Variants in KCNN2 observed in about 807,000 individuals in gnomAD.
KCNN2 encodes small conductance calcium-activated potassium channel protein 2.
Under a neutral mutation model 55.5 loss-of-function variants are expected in KCNN2, and 24 were observed. The observed-to-expected ratio is 0.43, with a 90% CI of 0.31 to 0.61. The LOEUF (loss-of-function observed/expected upper bound fraction) is 0.61, where lower values mean the gene tolerates loss of function less well. KCNN2 is among the 20% of genes least tolerant of loss of function. The pLI is 0.08. For missense variants in KCNN2, 754 were observed against 853.6 expected (o/e 0.88, Z 1.45); for synonymous variants, 431 against 336.1 (o/e 1.28, Z -3.09).
chr5:114,418,824 G>A (rs1759383686), intron 3 of KCNN2, among the ~76,000 whole-genome samples: 1 of 152,128 alleles, frequency 6.6e-6, no homozygotes. Context: ...GCTCCTTTTG[G>A]AAATGCACTC....
chr5:114,443,072 C>G (rs769694347), intron 3 of KCNN2, among the ~76,000 whole-genome samples: 1 of 152,018 alleles, frequency 6.6e-6, no homozygotes, highest in Non-Finnish European at 1.5e-5. Context: ...GGGGTCAGAT[C>G]ACGAGGTCAG....
chr5:114,263,459 G>C (rs1444628019), intron 2 of KCNN2, among the ~76,000 whole-genome samples: 1 of 8,426 alleles, frequency 1.2e-4, no homozygotes, highest in Non-Finnish European at 2.7e-4. Context: ...TGGATAAGCA[G>C]GTAGACTTAT....
chr5:114,366,146 A>G (rs1272821417), intron 2 of KCNN2, among the ~76,000 whole-genome samples: 1 of 152,158 alleles, frequency 6.6e-6, no homozygotes, highest in East Asian at 1.9e-4. Flanking sequence ...CATTCCACTC[A>G]TTGGCTAATT....
chr5:114,235,389 G>A (rs553934760), intron 2 of KCNN2, among the ~76,000 whole-genome samples: 66 of 152,254 alleles, frequency 4.3e-4, no homozygotes, highest in African/African-American at 1.6e-3. Flanking sequence ...TGGAACTTTA[G>A]CGTTAAAAAT....
chr5:114,340,490 A>G (rs919646900), intron 2 of KCNN2, among the ~76,000 whole-genome samples: 20 of 152,166 alleles, frequency 1.3e-4, no homozygotes, highest in African/African-American at 1.4e-4. Context: ...TCAAGTAGCC[A>G]TCTTCCATTA....
chr5:114,484,620 C>T (rs1033392895), intron 5 of KCNN2, among the ~76,000 whole-genome samples: 1 of 152,116 alleles, frequency 6.6e-6, no homozygotes, highest in South Asian at 2.1e-4. Flanking sequence ...TCCTTTTCAA[C>T]CCTAGATGGA....
intron 5 of KCNN2, among the ~76,000 whole-genome samples, chr5:114,483,305 C>T (rs1218248574): frequency 5.5e-5 from 8 of 145,856 alleles, no homozygotes; most frequent in Non-Finnish European, 7.5e-5. Context: ...GAGACGGAGT[C>T]GCTTTGTCAC....
At chr5:114,436,482 G>C (rs1353506760) in intron 3 of KCNN2, among the ~76,000 whole-genome samples, 1 of 152,140 alleles carries the variant, frequency 6.6e-6, no homozygotes, top group Non-Finnish European at 1.5e-5. Flanking sequence ...TTGATCAGAT[G>C]AATAAGGCCT....
chr5:114,399,245 A>C (rs1323464461), intron 2 of KCNN2, among the ~76,000 whole-genome samples: 1 of 152,164 alleles, frequency 6.6e-6, no homozygotes, highest in Non-Finnish European at 1.5e-5. Flanking sequence ...GAGGGGTTTT[A>C]ACATGATGGC....
At chr5:114,133,092 G>A (rs1474889025) in intron 1 of KCNN2, among the ~76,000 whole-genome samples, 1 of 152,092 alleles carries the variant, frequency 6.6e-6, no homozygotes, top group East Asian at 1.9e-4. Flanking sequence ...TGGTTTTACT[G>A]AGCCTAAATT....
chr5:114,095,263 T>C (rs1751232348), intron 1 of KCNN2, among the ~76,000 whole-genome samples: 1 of 152,214 alleles, frequency 6.6e-6, no homozygotes, highest in Non-Finnish European at 1.5e-5. Flanking sequence ...AATACCTGCT[T>C]AATAATAATA....
intron 3 of KCNN2, among the ~76,000 whole-genome samples, chr5:114,447,572 C>T (rs146282288): frequency 4.5e-4 from 69 of 152,300 alleles, no homozygotes; most frequent in African/African-American, 1.5e-3. Flanking sequence ...TTCTGATCCT[C>T]GATGGCCTTT....
At chr5:114,222,949 G>A (rs989345888) in intron 2 of KCNN2, among the ~76,000 whole-genome samples, 1 of 152,142 alleles carries the variant, frequency 6.6e-6, no homozygotes, top group Non-Finnish European at 1.5e-5. Context: ...TAATCTTAGG[G>A]CAGCAGATGA....
Position 114,363,954 on chromosome 5 carries a change from A to G in KCNN2, c.1171A>G (p.Ile391Val), listed in dbSNP as rs760417572. Residue 391 changes from isoleucine (I) to valine (V), a missense_variant, in exon 2 of 8, where the codon ATC becomes GTC. This residue lies in a region of KCNN2 where 123 missense variants were observed against 204.9 expected (regional missense o/e 0.60). Coordinates refer to ENST00000673685, the MANE Select transcript of KCNN2 (RefSeq NM_021614.4). Reference protein sequence around the residue: ...ALKCLISLSTIILLGLIIVYH... With the variant: ...ALKCLISLSTVILLGLIIVYH... ...GAAATGCCTTATCAGTCTCTCCACG[A>G]TCATCCTGCTCGGTCTGATCATCGT... 3 of 1,613,950 alleles carry G rather than the reference A, an allele frequency of 1.9e-6. No individual in the cohort carries two copies. The highest frequency in any genetic ancestry group is 2.5e-6 in the Non-Finnish European group (3 of 1,179,978).
At chr5:114,061,500 AG>A (rs1750329649) in intron 1 of KCNN2, among the ~76,000 whole-genome samples, 1 of 152,142 alleles carries the variant, frequency 6.6e-6, no homozygotes, top group African/African-American at 2.4e-5. Context: ...CGAAGGCAAA[AG>A]TGTCTCATGC....
At chr5:114,360,053 T>A (rs1757373802), upstream of KCNN2, among the ~76,000 whole-genome samples, 1 of 152,150 alleles carries the variant, frequency 6.6e-6, no homozygotes, top group Non-Finnish European at 1.5e-5. Flanking sequence ...TAATAGATGA[T>A]AAAAACAAAA....
chr5:114,101,404 C>G (rs1751369851), intron 1 of KCNN2, among the ~76,000 whole-genome samples: 1 of 139,818 alleles, frequency 7.2e-6, no homozygotes, highest in Non-Finnish European at 1.5e-5. Context: ...GTGGCACCAT[C>G]TATGGTTTTC....
chr5:114,240,757 T>C (rs554102535), intron 2 of KCNN2, among the ~76,000 whole-genome samples: 1 of 152,298 alleles, frequency 6.6e-6, no homozygotes, highest in Non-Finnish European at 1.5e-5. Flanking sequence ...ATGTAAGAAG[T>C]AATACAGAGA....
intron 2 of KCNN2, among the ~76,000 whole-genome samples, chr5:114,395,261 A>G (rs1397617863): frequency 6.6e-6 from 1 of 152,168 alleles, no homozygotes; most frequent in African/African-American, 2.4e-5. Flanking sequence ...TAACTAATCT[A>G]TGATGATGAG....
Sources: gnomAD v4.1 joint callset for allele counts (sites outside exome capture counted in the v4.1 genomes callset) on GRCh38, gnomAD v4.1.1 for gene constraint, gnomAD v4.1.1 regional missense constraint, MANE v1.5 for transcripts, NCBI Gene and HGNC (gene_info 2026-07-23, HGNC 2026-07-21) for gene names.